The following JAKMIP1 variants were observed in gnomAD, a reference collection of about 807,000 sequenced individuals.
JAKMIP1 encodes janus kinase and microtubule-interacting protein 1.
Under a neutral mutation model 113.0 loss-of-function variants are expected in JAKMIP1, and 33 were observed. That is an observed-to-expected ratio of 0.29 (90% CI 0.22 to 0.39). The LOEUF is 0.39. JAKMIP1 is among the 10% of genes least tolerant of loss of function. The pLI is 1.00. For synonymous variants in JAKMIP1, 480 were observed against 459.9 expected (o/e 1.04, Z -0.56); for missense variants, 813 against 1,080.5 (o/e 0.75, Z 3.47).
rs1255174371 is a variant in JAKMIP1 at position 6,193,922 on chromosome 4, C to A, written c.-148+6331G>T. Among the ~76,000 whole-genome samples the A allele has an allele frequency of 6.6e-6, 1 of 152,122 alleles. No homozygotes were observed. Among genetic ancestry groups the A allele is most frequent in the African/African-American group, 2.4e-5 (1 of 41,416 alleles). ...AATGTCCATCCACAGATGAATAGAC[C>A]ATTGTGTTGTATACGCACCATGGAA... is the stretch of plus-strand genomic sequence containing the variant. On this transcript the variant is annotated intron_variant, in intron 1 of 20. Coordinates refer to ENST00000409021, the MANE Select transcript of JAKMIP1 (RefSeq NM_001099433.2). This position sits in a 1 kb window ranked among gnomAD's most constrained non-coding sequence, Gnocchi z 6.4.
At chr4:6,030,130 G>C (rs150308508) in intron 19 of JAKMIP1, among the ~76,000 whole-genome samples, 49 of 152,074 alleles carry the variant, frequency 3.2e-4, no homozygotes, top group African/African-American at 1.2e-3. Context: ...ACAAAACATC[G>C]AGACTGGACC....
chr4:6,053,694 G>T, intron 13 of JAKMIP1: 1 of 835,618 alleles, frequency 1.2e-6, no homozygotes, highest in Non-Finnish European at 1.5e-6. Flanking sequence ...TGCGTACCCG[G>T]TGACTACGCA....
intron 3 of JAKMIP1, among the ~76,000 whole-genome samples, chr4:6,102,572 G>GA (rs1309121770): frequency 1.3e-5 from 2 of 151,838 alleles, no homozygotes; most frequent in Admixed American, 1.3e-4. Flanking sequence ...AGAATGGTAA[G>GA]AAAAAAATTT....
At position 6,050,410 on chromosome 4, in the gene JAKMIP1, TAG is replaced by T. The variant is rs1371054483; in HGVS notation, c.1908+166_1908+167del. On this transcript the variant is annotated intron_variant, in intron 14 of 20. Transcript: ENST00000409021. This position sits in a 1 kb window ranked among gnomAD's most constrained non-coding sequence, Gnocchi z 7.4. ...GCTGTTTTAAACATATGGGTCAAAA[TAG>T]AGTCACATTTGGTGACCCTTTAATA... 6.6e-6 allele frequency among the ~76,000 whole-genome samples: 1 copy of T among 152,246 alleles called. No homozygotes were observed. Among genetic ancestry groups the T allele is most frequent in the African/African-American group, 2.4e-5 (1 of 41,466 alleles).
At chr4:6,079,262 G>A (rs1720149589) in intron 7 of JAKMIP1, among the ~76,000 whole-genome samples, 1 of 152,160 alleles carries the variant, frequency 6.6e-6, no homozygotes, top group African/African-American at 2.4e-5. Context: ...AAGCAAAGAT[G>A]GATGGATAGA....
intron 13 of JAKMIP1, among the ~76,000 whole-genome samples, chr4:6,052,651 A>T (rs1435177156): frequency 2.3e-5 from 2 of 87,046 alleles, no homozygotes; most frequent in Admixed American, 1.2e-4. Context: ...ACTCTGTCCT[A>T]AAAAAAAAAA....
intron 1 of JAKMIP1, among the ~76,000 whole-genome samples, chr4:6,125,706 C>T (rs1717362658): frequency 7.1e-6 from 1 of 141,412 alleles, no homozygotes; most frequent in South Asian, 2.3e-4. Flanking sequence ...GCACACCATA[C>T]ACACCATACA....
rs1239885425 is a variant in JAKMIP1, at chr4:6,076,737, C to T, written c.1302+2202G>A. On this transcript the variant is annotated intron_variant, in intron 8 of 20. Coordinates refer to ENST00000409021, the MANE Select transcript of JAKMIP1 (RefSeq NM_001099433.2). This position sits in a 1 kb window ranked among gnomAD's most constrained non-coding sequence, Gnocchi z 4.8. Reference sequence around the variant, plus strand: ...TCAGATTTTGGAATATTTGCATAAACAGAATAAGGTATCTTGGGGATGGGA... The same window carrying T: ...TCAGATTTTGGAATATTTGCATAAATAGAATAAGGTATCTTGGGGATGGGA... 3.3e-5 allele frequency among the ~76,000 whole-genome samples: 5 copies of T among 152,148 alleles called. No individual in the cohort carries two copies. Among genetic ancestry groups the T allele is most frequent in the Admixed American group, 3.3e-4 (5 of 15,270 alleles).
At chr4:6,110,887 C>CCCCCAGCCAGTCAG (rs1388560727) in intron 2 of JAKMIP1, among the ~76,000 whole-genome samples, 1 of 151,848 alleles carries the variant, frequency 6.6e-6, no homozygotes, top group Non-Finnish European at 1.5e-5. Context: ...AGCCCTTACA[C>CCCCCAGCCAGTCAG]CCCCAGCCAG....
rs573957661 is a variant in JAKMIP1, at chr4:6,197,937, T to G, written c.-148+2316A>C. On this transcript the variant is annotated intron_variant, in intron 1 of 20. Coordinates refer to ENST00000409021, the MANE Select transcript of JAKMIP1 (RefSeq NM_001099433.2). This position sits in a 1 kb window ranked among gnomAD's most constrained non-coding sequence, Gnocchi z 6.5. ...ACACACCAAGAGAGTGGGGCCACGG[T>G]CCTGCCACTTCCTCGTGCAGCCTTC... Among the ~76,000 whole-genome samples, 1 of 152,318 alleles carries G rather than the reference T, an allele frequency of 6.6e-6. No homozygotes were observed. The highest frequency in any genetic ancestry group is 2.1e-4 in the South Asian group (1 of 4,820).
In JAKMIP1 at chr4:6,059,061, G is replaced by GGAAGT. The variant is rs1347120179; in HGVS notation, c.1644+1362_1644+1363insACTTC. Among the ~76,000 whole-genome samples the GGAAGT allele has an allele frequency of 3.3e-5, 5 of 152,210 alleles. No individual in the cohort carries two copies. The highest frequency in any genetic ancestry group is 7.3e-5 in the Non-Finnish European group (5 of 68,040). On this transcript the variant is annotated intron_variant, in intron 11 of 20. Transcript: ENST00000409021. The surrounding 1 kb of genome is among the most constrained non-coding windows in gnomAD (Gnocchi z 4.8). ...CAAAGAGATTATGTTACTTGCCCAAGGTTATGCAACAAGGAAGTGGCAGAG... is the reference window on the plus strand; with the variant it reads ...CAAAGAGATTATGTTACTTGCCCAAGGAAGTGTTATGCAACAAGGAAGTGGCAGAG...
At chr4:6,195,937 C>G (rs1324393986) in intron 1 of JAKMIP1, among the ~76,000 whole-genome samples, 1 of 152,246 alleles carries the variant, frequency 6.6e-6, no homozygotes, top group Non-Finnish European at 1.5e-5. Flanking sequence ...ACAAAAGCCC[C>G]TGGCATAGAT....
rs1187366311 is a variant in JAKMIP1 at position 6,093,895 on chromosome 4, G to A, written c.625-8266C>T. 2.0e-5 allele frequency among the ~76,000 whole-genome samples: 3 copies of A among 152,092 alleles called. No homozygotes were observed. Among genetic ancestry groups the A allele is most frequent in the African/African-American group, 7.2e-5 (3 of 41,410 alleles). On this transcript the variant is annotated intron_variant, in intron 3 of 20. Transcript: ENST00000409021. The surrounding 1 kb of genome is among the most constrained non-coding windows in gnomAD (Gnocchi z 4.6). ...TGGTCAACCTGTGTGCAGGGCTCCA[G>A]AGTCCCACCTGCCCAGGAGGCTGCA...
chr4:6,056,824 T>C lies in JAKMIP1; in HGVS notation c.1645-65A>G. 8 of 1,119,544 alleles carry C rather than the reference T, an allele frequency of 7.1e-6. No individual in the cohort carries two copies. Among genetic ancestry groups the C allele is most frequent in the Non-Finnish European group, 9.5e-6 (7 of 736,074 alleles). 69.4% of individuals were successfully genotyped at this position (1,119,544 alleles called of 1,614,324 possible). On this transcript the variant is annotated intron_variant, in intron 11 of 20. Coordinates refer to ENST00000409021, the MANE Select transcript of JAKMIP1 (RefSeq NM_001099433.2). ...AAACAGATGGTCAAGTAACAAACTT[T>C]TAGTGAGAAAGGTCACTTTCTATGA...
chr4:6,167,379 T>A lies in JAKMIP1; in HGVS notation c.-148+32874A>T, dbSNP rs1723769096. Among the ~76,000 whole-genome samples the A allele has an allele frequency of 6.6e-6, 1 of 151,544 alleles. No homozygotes were observed. The highest frequency in any genetic ancestry group is 6.6e-5 in the Admixed American group (1 of 15,214). Reference sequence around the variant, plus strand: ...TCTGGCCTGGACCACTCCAGCCACCTCCTCACTCACCACCCTACCCTCAAC... The same window carrying A: ...TCTGGCCTGGACCACTCCAGCCACCACCTCACTCACCACCCTACCCTCAAC... On this transcript the variant is annotated intron_variant, in intron 1 of 20. Coordinates refer to ENST00000409021, the MANE Select transcript of JAKMIP1 (RefSeq NM_001099433.2). This position sits in a 1 kb window ranked among gnomAD's most constrained non-coding sequence, Gnocchi z 5.3.
chr4:6,163,250 C>T (rs1162349271), intron 1 of JAKMIP1, among the ~76,000 whole-genome samples: 2 of 152,188 alleles, frequency 1.3e-5, no homozygotes. Context: ...CTGTGATGAG[C>T]AAGTCTATCC....
intron 1 of JAKMIP1, among the ~76,000 whole-genome samples, chr4:6,171,161 ATCT>A: frequency 6.7e-6 from 1 of 148,718 alleles, no homozygotes; most frequent in Non-Finnish European, 1.5e-5. Flanking sequence ...CACCACCACC[ATCT>A]CCATCACCAT....
chr4:6,142,330 G>C lies in JAKMIP1; in HGVS notation c.-147-29333C>G, dbSNP rs918295737. The stretch of plus-strand genomic sequence containing the variant: ...TACCCATGTATGCCCGCACAGGCAG[G>C]GGAAAGGGAGCCCCCGGGAGCTCTG... On this transcript the variant is annotated intron_variant, in intron 1 of 20. Coordinates refer to ENST00000409021, the MANE Select transcript of JAKMIP1 (RefSeq NM_001099433.2). This position sits in a 1 kb window ranked among gnomAD's most constrained non-coding sequence, Gnocchi z 5.5. 2.6e-5 allele frequency among the ~76,000 whole-genome samples: 4 copies of C among 152,164 alleles called. No individual in the cohort carries two copies. The highest frequency in any genetic ancestry group is 5.9e-5 in the Non-Finnish European group (4 of 68,022).
chr4:6,034,685 T>C (rs1378302961), intron 19 of JAKMIP1, among the ~76,000 whole-genome samples: 1 of 152,042 alleles, frequency 6.6e-6, no homozygotes, highest in Non-Finnish European at 1.5e-5. Flanking sequence ...GCCTATAATC[T>C]CAGCTACTCA....
Sources: gnomAD v4.1 joint callset for allele counts (sites outside exome capture counted in the v4.1 genomes callset) on GRCh38, gnomAD v4.1.1 for gene constraint, Gnocchi (gnomAD v3.1) non-coding constraint, MANE v1.5 for transcripts, NCBI Gene and HGNC (gene_info 2026-07-23, HGNC 2026-07-21) for gene names.